The following LRRC37A2 variants were observed in gnomAD, a reference collection of about 807,000 sequenced individuals.
LRRC37A2 encodes the protein leucine-rich repeat-containing protein 37A2.
A neutral mutation model predicts 68.8 loss-of-function variants in LRRC37A2; 9 were observed. The ratio of observed to expected loss-of-function variants is 0.13; its 90% CI spans 0.08 to 0.23. The LOEUF (loss-of-function observed/expected upper bound fraction) is 0.23. LRRC37A2 is among the 10% of genes least tolerant of loss of function. The pLI is 1.00. For missense variants in LRRC37A2, 168 were observed against 950.4 expected (o/e 0.18, Z 10.82); for synonymous variants, 63 against 367.6 (o/e 0.17, Z 9.48).
At chr17:46,539,489 GC>G (rs1441277755) in intron 6 of LRRC37A2, among the ~76,000 whole-genome samples, 1 of 151,318 alleles carries the variant, frequency 6.6e-6, no homozygotes, top group African/African-American at 2.4e-5. Flanking sequence ...GCAGCCAGCC[GC>G]AGTGGCTCAT....
At chr17:47,015,637 T>C in the LRRC37A2 span, among the ~76,000 whole-genome samples, 2 of 152,224 alleles carry the variant, frequency 1.3e-5, no homozygotes, top group Non-Finnish European at 2.9e-5. Context: ...AAACAGTCAT[T>C]ATTTACTATT....
the LRRC37A2 span, chr17:46,769,793 G>A: frequency 6.2e-7 from 1 of 1,611,390 alleles, no homozygotes; most frequent in Non-Finnish European, 8.5e-7. Context: ...CGTGCGGCCC[G>A]CCTCGTTGTT....
the LRRC37A2 span, chr17:46,872,593 C>T: frequency 6.2e-7 from 1 of 1,611,538 alleles, no homozygotes; most frequent in Non-Finnish European, 8.5e-7. Flanking sequence ...CGGGGCCCAC[C>T]TGAAGCAGTG....
the LRRC37A2 span, chr17:47,019,706 T>C: frequency 6.9e-6 from 8 of 1,155,034 alleles, no homozygotes; most frequent in Non-Finnish European, 1.0e-5. Flanking sequence ...CCTGCGGAGA[T>C]GAGATGTTGT....
chr17:46,534,128 C>T (rs2054174953), intron 6 of LRRC37A2, among the ~76,000 whole-genome samples: 1 of 146,146 alleles, frequency 6.8e-6, no homozygotes, highest in Admixed American at 6.7e-5. Context: ...ATGCTGTCAC[C>T]TCAGCCTCCT....
At chr17:46,923,206 T>A in the LRRC37A2 span, 2 of 1,549,786 alleles carry the variant, frequency 1.3e-6, no homozygotes, top group Non-Finnish European at 1.7e-6. Flanking sequence ...GATCCCCTGT[T>A]CCAGCAAACG....
chr17:46,880,464 G>A, the LRRC37A2 span, among the ~76,000 whole-genome samples: 3 of 152,230 alleles, frequency 2.0e-5, no homozygotes, highest in African/African-American at 7.2e-5. Flanking sequence ...GGTGCTTGGT[G>A]CAGCAAGGAA....
At chr17:46,965,795 G>GT in the LRRC37A2 span, among the ~76,000 whole-genome samples, 32 of 146,730 alleles carry the variant, frequency 2.2e-4, no homozygotes, top group Non-Finnish European at 4.4e-4. Context: ...GCTAATTTTT[G>GT]TATTTTTTTT....
chr17:46,746,127 G>A, the LRRC37A2 span, among the ~76,000 whole-genome samples: 4 of 152,148 alleles, frequency 2.6e-5, no homozygotes, highest in African/African-American at 7.2e-5. Flanking sequence ...CTGTCTTTCT[G>A]TGGAAGGTCT....
chr17:46,914,113 T>C, the LRRC37A2 span, among the ~76,000 whole-genome samples: 2 of 152,116 alleles, frequency 1.3e-5, no homozygotes, highest in Non-Finnish European at 2.9e-5. Context: ...TGATTGAAAG[T>C]GCAGGGGGTG....
the LRRC37A2 span, among the ~76,000 whole-genome samples, chr17:46,716,371 C>T: frequency 6.6e-6 from 1 of 152,042 alleles, no homozygotes; most frequent in Non-Finnish European, 1.5e-5. Flanking sequence ...ATTCTCCTGC[C>T]TCAGCCTCCC....
At chr17:46,774,287 G>A in the LRRC37A2 span, among the ~76,000 whole-genome samples, 2 of 152,248 alleles carry the variant, frequency 1.3e-5, no homozygotes, top group African/African-American at 2.4e-5. Context: ...GATCAGGCTG[G>A]GCAATTTCCA....
At chr17:46,845,614 C>T in the LRRC37A2 span, among the ~76,000 whole-genome samples, 3 of 151,108 alleles carry the variant, frequency 2.0e-5, no homozygotes, top group Non-Finnish European at 4.4e-5. Flanking sequence ...CTTGGCCTCC[C>T]GAGTAGCTGG....
At chr17:46,859,905 T>A in the LRRC37A2 span, among the ~76,000 whole-genome samples, 2 of 152,256 alleles carry the variant, frequency 1.3e-5, no homozygotes, top group East Asian at 3.9e-4. Flanking sequence ...GCATTGAAAA[T>A]TTAAAAAAAG....
At chr17:46,927,822 G>C in the LRRC37A2 span, among the ~76,000 whole-genome samples, 1 of 152,092 alleles carries the variant, frequency 6.6e-6, no homozygotes, top group East Asian at 1.9e-4. Flanking sequence ...CTTCTTCAGA[G>C]TGGTCTTGGC....
At chr17:46,551,133 G>T in intron 11 of LRRC37A2, among the ~76,000 whole-genome samples, 1 of 149,654 alleles carries the variant, frequency 6.7e-6, no homozygotes, top group African/African-American at 2.6e-5. Context: ...TCTGTGAGAT[G>T]TGTCACCATT....
chr17:46,815,714 CA>C, the LRRC37A2 span, among the ~76,000 whole-genome samples: 6 of 152,172 alleles, frequency 3.9e-5, no homozygotes, highest in African/African-American at 1.4e-4. Context: ...AGTGCCTGGA[CA>C]GACAGGACAA....
chr17:46,935,303 T>A, the LRRC37A2 span: 2 of 1,547,576 alleles, frequency 1.3e-6, no homozygotes, highest in Non-Finnish European at 1.7e-6. Context: ...GCCCTTGAGT[T>A]TGGGATCCTT....
At chr17:47,035,674 T>C in the LRRC37A2 span, among the ~76,000 whole-genome samples, 2 of 152,240 alleles carry the variant, frequency 1.3e-5, no homozygotes, top group African/African-American at 4.8e-5. Flanking sequence ...CTAGGGTGCA[T>C]CCCTAGCAGA....
Sources: gnomAD v4.1 joint callset for allele counts (sites outside exome capture counted in the v4.1 genomes callset) on GRCh38, gnomAD v4.1.1 for gene constraint, MANE v1.5 for transcripts, NCBI Gene and HGNC (gene_info 2026-07-23, HGNC 2026-07-21) for gene names.